Variants in MRTFA observed in about 807,000 individuals in gnomAD.
The protein encoded by MRTFA is myocardin-related transcription factor A.
A neutral mutation model predicts 83.5 loss-of-function variants in MRTFA; 20 were observed. The observed-to-expected ratio is 0.24, with a 90% CI of 0.17 to 0.35. The LOEUF (loss-of-function observed/expected upper bound fraction) is 0.35, where lower values mean the gene tolerates loss of function less well. Ranked by LOEUF, MRTFA falls within the 10% of genes least tolerant of loss-of-function variation. The pLI, the probability that MRTFA is intolerant of heterozygous loss-of-function variation, is 1.00. For synonymous variants in MRTFA, 659 were observed against 541.2 expected (o/e 1.22, Z -3.02); for missense variants, 1,200 against 1,224.7 (o/e 0.98, Z 0.30).
chr22:40,435,852 G>A (rs1024716628), intron 4 of MRTFA, among the ~76,000 whole-genome samples: 1 of 151,468 alleles, frequency 6.6e-6, no homozygotes, highest in African/African-American at 2.4e-5. Flanking sequence ...GGAGAATGGC[G>A]TGAACCTGGG....
At chr22:40,478,535 A>T (rs553921185) in intron 3 of MRTFA, among the ~76,000 whole-genome samples, 1 of 152,252 alleles carries the variant, frequency 6.6e-6, no homozygotes, top group African/African-American at 2.4e-5. Context: ...CTAGAGAGCA[A>T]ACTGTTTTCC....
At chr22:40,479,736 C>A (rs1569288692) in intron 3 of MRTFA, among the ~76,000 whole-genome samples, 1 of 152,046 alleles carries the variant, frequency 6.6e-6, no homozygotes. Flanking sequence ...GTTCAACCAG[C>A]AAATATATAA....
intron 3 of MRTFA, among the ~76,000 whole-genome samples, chr22:40,466,342 C>T (rs1365583026): frequency 6.6e-6 from 1 of 152,154 alleles, no homozygotes; most frequent in Non-Finnish European, 1.5e-5. Flanking sequence ...TGTGAGGATG[C>T]TACAGTTATT....
intron 3 of MRTFA, among the ~76,000 whole-genome samples, chr22:40,496,999 T>G (rs1425959039): frequency 6.6e-6 from 1 of 152,184 alleles, no homozygotes; most frequent in African/African-American, 2.4e-5. Flanking sequence ...TTTGTTTCAT[T>G]TTTCTGTCAA....
intron 3 of MRTFA, among the ~76,000 whole-genome samples, chr22:40,521,068 G>T (rs1287070232): frequency 6.6e-6 from 1 of 152,050 alleles, no homozygotes; most frequent in Non-Finnish European, 1.5e-5. Flanking sequence ...TTCATTCTGA[G>T]ATAATTATAG....
chr22:40,494,548 G>A (rs1429943630), intron 3 of MRTFA, among the ~76,000 whole-genome samples: 1 of 151,994 alleles, frequency 6.6e-6, no homozygotes, highest in East Asian at 1.9e-4. Context: ...AGGTATACTG[G>A]TGTGCACCTG....
chr22:40,426,980 C>T (rs1463389383), intron 7 of MRTFA, among the ~76,000 whole-genome samples: 3 of 152,228 alleles, frequency 2.0e-5, no homozygotes, highest in Non-Finnish European at 4.4e-5. Flanking sequence ...CCAGGCAGCA[C>T]TGGCATCTGA....
chr22:40,464,372 T>C (rs1030584556), intron 3 of MRTFA, among the ~76,000 whole-genome samples: 1 of 138,392 alleles, frequency 7.2e-6, no homozygotes, highest in Non-Finnish European at 1.5e-5. Flanking sequence ...ACCTAAACGG[T>C]GTTACAACTA....
chr22:40,479,384 C>T (rs1413893590), intron 3 of MRTFA, among the ~76,000 whole-genome samples: 1 of 152,142 alleles, frequency 6.6e-6, no homozygotes, highest in Non-Finnish European at 1.5e-5. Context: ...CACCTCCTCA[C>T]ACCCAACTAT....
Position 40,612,523 on chromosome 22 carries a change from G to T in MRTFA, c.-83-17788C>A, listed in dbSNP as rs540114123. Among the ~76,000 whole-genome samples the T allele has an allele frequency of 3.3e-5, 5 of 152,284 alleles. No homozygotes were observed. In the East Asian group the frequency reaches 7.7e-4, roughly 23 times the overall value. On this transcript the variant is annotated intron_variant, in intron 1 of 14. Coordinates refer to ENST00000355630, the MANE Select transcript of MRTFA (RefSeq NM_020831.6). ...GTTTAGTCCACAGAGTATTGACCTG[G>T]AGAGTACTTTTTAATCAACTTTGAA...
intron 1 of MRTFA, among the ~76,000 whole-genome samples, chr22:40,621,429 A>T (rs767804719): frequency 6.6e-6 from 1 of 152,144 alleles, no homozygotes; most frequent in Non-Finnish European, 1.5e-5. Context: ...AACCATAGAG[A>T]CAGAAAAGGG....
In MRTFA at chr22:40,613,615, G is replaced by T. The variant is rs566945764; in HGVS notation, c.-83-18880C>A. 2.6e-5 allele frequency among the ~76,000 whole-genome samples: 4 copies of T among 151,984 alleles called. No individual in the cohort carries two copies. The South Asian group carries it at 6.2e-4, about 24-fold the overall frequency. On this transcript the variant is annotated intron_variant, in intron 1 of 14. Coordinates refer to ENST00000355630, the MANE Select transcript of MRTFA (RefSeq NM_020831.6). The stretch of plus-strand genomic sequence containing the variant: ...TCGTGCCTGTAATCCCAACACTTTG[G>T]GATACTAAGACAGAAGGATTGCTTG...
intron 5 of MRTFA, 82 bp from the exon 6 acceptor site, chr22:40,431,562 C>A (rs2053069782): frequency 1.5e-6 from 2 of 1,322,046 alleles, no homozygotes; most frequent in South Asian, 2.4e-5. Context: ...GCAGCCTTGG[C>A]CATGGTAGCT....
At chr22:40,488,222 A>G (rs1385444246) in intron 3 of MRTFA, among the ~76,000 whole-genome samples, 1 of 152,138 alleles carries the variant, frequency 6.6e-6, no homozygotes, top group Non-Finnish European at 1.5e-5. Flanking sequence ...GAACAACATG[A>G]GCTAGGACTT....
intron 3 of MRTFA, among the ~76,000 whole-genome samples, chr22:40,489,494 C>G (rs73167080): frequency 0.13 from 18,850 of 148,344 alleles, 1,337 homozygotes; most frequent in East Asian, 0.24. Context: ...TTTTTTTTTT[C>G]TAGAGACAGG....
chr22:40,619,004 T>C (rs1159335375), intron 1 of MRTFA, among the ~76,000 whole-genome samples: 1 of 150,896 alleles, frequency 6.6e-6, no homozygotes, highest in Non-Finnish European at 1.5e-5. Flanking sequence ...TATATATATA[T>C]ATATCAATAA....
At chr22:40,633,491 TTTAAATACAC>T (rs2056662346) in intron 1 of MRTFA, among the ~76,000 whole-genome samples, 1 of 152,236 alleles carries the variant, frequency 6.6e-6, no homozygotes, top group Non-Finnish European at 1.5e-5. Context: ...CAAATCGTTT[TTTAAATACAC>T]TTAAATAAGT....
intron 1 of MRTFA, among the ~76,000 whole-genome samples, chr22:40,620,726 G>C (rs1457169373): frequency 1.3e-5 from 2 of 152,080 alleles, no homozygotes; most frequent in Admixed American, 6.6e-5. Context: ...CAGAAGGTAG[G>C]AATGGAGATG....
chr22:40,470,262 T>TATATATATATATATATATATATAA (rs2053882512), intron 3 of MRTFA, among the ~76,000 whole-genome samples: 1 of 80,886 alleles, frequency 1.2e-5, no homozygotes, highest in Non-Finnish European at 2.6e-5. Context: ...TATATATATA[T>TATATATATATATATATATATATAA]ATATATATAT....
Sources: gnomAD v4.1 joint callset for allele counts (sites outside exome capture counted in the v4.1 genomes callset) on GRCh38, gnomAD v4.1.1 for gene constraint, MANE v1.5 for transcripts, NCBI Gene and HGNC (gene_info 2026-07-23, HGNC 2026-07-21) for gene names.